Variants in THAP12 observed in about 807,000 individuals in gnomAD.
The protein encoded by THAP12 is THAP domain containing 12, also known as 52 kDa repressor of the inhibitor of the protein kinase.
In THAP12, 20 loss-of-function variants were observed where a neutral mutation model predicts 63.0. That is an observed-to-expected ratio of 0.32 (90% CI 0.22 to 0.46). THAP12 has a LOEUF of 0.46. Among genes scored for constraint, THAP12 ranks in the 20% least tolerant of loss-of-function variants. The probability of loss-of-function intolerance (pLI) is 1.00; values close to 1 mark genes in which losing one functional copy is unlikely to be tolerated. For missense variants in THAP12, 568 were observed against 908.2 expected (o/e 0.63, Z 4.81); for synonymous variants, 264 against 328.4 (o/e 0.80, Z 2.12).
In THAP12 at chr11:76,352,410, C is replaced by T. The variant is rs1946533665; in HGVS notation, c.740G>A (p.Arg247Gln). Residue 247 changes from arginine to glutamine, a missense_variant, in exon 5 of 5, where the codon CGA becomes CAA. Arg to Gln is a conservative substitution (Grantham distance 43, BLOSUM62 1). Transcript: ENST00000260045. ...TCTCACTTCCCTGAGAGTTTCTTCT[C>T]GAATACAGCTCTCACAGATCTCTAG... Reference protein sequence around the residue: ...QMLEICESCIREETLREVRDS... With the variant: ...QMLEICESCIQEETLREVRDS... 3 of 1,611,776 alleles carry T rather than the reference C, an allele frequency of 1.9e-6. No individual in the cohort carries two copies. Among genetic ancestry groups the T allele is most frequent in the Admixed American group, 1.7e-5 (1 of 59,976 alleles).
In THAP12 at chr11:76,381,089, A is replaced by G. The variant is rs896143123; in HGVS notation, c.-253T>C. 9.8e-5 allele frequency: 18 copies of G among 184,030 alleles called. No individual in the cohort carries two copies. Among genetic ancestry groups the G allele is most frequent in the Non-Finnish European group, 1.7e-4 (15 of 90,634 alleles). The allele number at this position is 184,030 out of a possible 1,614,324, so 11.4% of individuals were successfully genotyped here. A position where few individuals can be genotyped will look rare whatever the true frequency, so the allele number is the denominator to read the frequency against. ...TTACCGCCGCCGCCGCCGCTGGTGC[A>G]CCTCCCGCCCGCCCGAGACGCTGCC... On this transcript the variant is annotated 5_prime_UTR_variant, in exon 1 of 5. Transcript: ENST00000260045.
chr11:76,365,795 C>A, intron 2 of THAP12, 57 bp downstream of exon 2: 1 of 1,564,910 alleles, frequency 6.4e-7, no homozygotes, highest in Non-Finnish European at 8.7e-7. Flanking sequence ...CAACCAGACA[C>A]AGTGAGAGAG....
chr11:76,363,149 A>T (rs7127175), intron 2 of THAP12, among the ~76,000 whole-genome samples: 66,007 of 151,880 alleles, frequency 0.43, 14,527 homozygotes, highest in African/African-American at 0.46. Context: ...TTTCAAAAAA[A>T]AATAATAATA....
chr11:76,370,759 T>C lies in THAP12; in HGVS notation c.90-4787A>G, dbSNP rs749556503. 1.5e-4 allele frequency among the ~76,000 whole-genome samples: 23 copies of C among 149,428 alleles called. 1 individual carries two copies. The highest frequency in any genetic ancestry group is 1.1e-3 in the South Asian group (5 of 4,692). ...ATCACTTGAATCCGGGAGGTGGAGGTTGCAGTAGGCCAAGATCGCACCACT... is the reference window on the plus strand; with the variant it reads ...ATCACTTGAATCCGGGAGGTGGAGGCTGCAGTAGGCCAAGATCGCACCACT... On this transcript the variant is annotated intron_variant, in intron 1 of 4. Coordinates refer to ENST00000260045, the MANE Select transcript of THAP12 (RefSeq NM_004705.4).
chr11:76,364,480 C>T lies in THAP12; in HGVS notation c.210+1372G>A, dbSNP rs770147849. 71 of 395,984 alleles carry T rather than the reference C, an allele frequency of 1.8e-4. 1 individual carries two copies. The highest frequency in any genetic ancestry group is 8.4e-4 in the South Asian group (46 of 54,582). 24.5% of individuals were successfully genotyped at this position (395,984 alleles called of 1,614,324 possible). ...TTGCTGCATAACAACATATAGTGTACCTTTGAATCAAGTTTATGTCTATCC... is the reference window on the plus strand; with the variant it reads ...TTGCTGCATAACAACATATAGTGTATCTTTGAATCAAGTTTATGTCTATCC... On this transcript the variant is annotated intron_variant, in intron 2 of 4. Transcript: ENST00000260045.
chr11:76,372,201 G>A (rs1476064280), intron 1 of THAP12, among the ~76,000 whole-genome samples: 2 of 152,028 alleles, frequency 1.3e-5, no homozygotes, highest in African/African-American at 4.8e-5. Flanking sequence ...CGATCCTCCC[G>A]CCTAAACCTC....
chr11:76,372,497 ACTC>A (rs1251624607), intron 1 of THAP12, among the ~76,000 whole-genome samples: 1 of 147,922 alleles, frequency 6.8e-6, no homozygotes, highest in African/African-American at 2.5e-5. Flanking sequence ...CTAAGTTCAA[ACTC>A]CTGGGTTTAA....
At chr11:76,355,359 C>A (rs1946554099) in intron 4 of THAP12, among the ~76,000 whole-genome samples, 1 of 152,230 alleles carries the variant, frequency 6.6e-6, no homozygotes. Flanking sequence ...CCTGCCACCC[C>A]TACCACACTG....
chr11:76,352,892 T>A, intron 4 of THAP12, 98 bp from the exon 5 acceptor site: 1 of 1,345,046 alleles, frequency 7.4e-7, no homozygotes, highest in Non-Finnish European at 9.9e-7. Flanking sequence ...ATCCACAAAC[T>A]CATTCATTCA....
chr11:76,372,672 G>T (rs1386400719), intron 1 of THAP12, among the ~76,000 whole-genome samples: 1 of 151,884 alleles, frequency 6.6e-6, no homozygotes, highest in Non-Finnish European at 1.5e-5. Flanking sequence ...GATCACTTGA[G>T]GCTAGGAGTT....
At chr11:76,370,843 A>T (rs5792718) in intron 1 of THAP12, among the ~76,000 whole-genome samples, 24,824 of 141,370 alleles carry the variant, frequency 0.18, 2,653 homozygotes, top group African/African-American at 0.31. Flanking sequence ...AAAAAAAAAA[A>T]ATATATATAT....
In THAP12 at chr11:76,373,775, C is replaced by T. The variant is rs183476163; in HGVS notation, c.89+6973G>A. Among the ~76,000 whole-genome samples the T allele has an allele frequency of 4.0e-5, 6 of 151,828 alleles. No individual in the cohort carries two copies. In the East Asian group the frequency reaches 1.2e-3, roughly 29 times the overall value. On this transcript the variant is annotated intron_variant, in intron 1 of 4. Coordinates refer to ENST00000260045, the MANE Select transcript of THAP12 (RefSeq NM_004705.4). ...ACATTTTAGAGCAGCAATTCTCAAA[C>T]TTCATAGTCCCAGGATTCCTTTGCA...
intron 4 of THAP12, among the ~76,000 whole-genome samples, chr11:76,354,451 A>C (rs1287756254): frequency 1.3e-5 from 2 of 152,082 alleles, no homozygotes; most frequent in Non-Finnish European, 2.9e-5. Flanking sequence ...TCTTGCTTTT[A>C]TTTTTTTCAA....
intron 1 of THAP12, among the ~76,000 whole-genome samples, chr11:76,366,609 A>G (rs1371736785): frequency 2.6e-5 from 4 of 151,370 alleles, no homozygotes; most frequent in Admixed American, 2.6e-4. Context: ...TGAACCCGGG[A>G]GGCGGAGCTT....
Position 76,351,308 on chromosome 11 carries a change from T to C in THAP12, c.1842A>G (p.Gln614=). The C allele has an allele frequency of 6.3e-7, 1 of 1,585,634 alleles. No homozygotes were observed. Among genetic ancestry groups the C allele is most frequent in the Non-Finnish European group, 8.6e-7 (1 of 1,161,142 alleles). ...GTTCCTCCGACGTATTGAATTTGAG[T>C]TGTCCCATGACTGAGGGTACCAGAG... The part of the protein sequence containing the change: ...CLSLVPSVMG[Q]LKFNTSEEHH... Residue 614 remains glutamine (Q), a synonymous_variant, in exon 5 of 5, where the codon CAA becomes CAG. Coordinates refer to ENST00000260045, the MANE Select transcript of THAP12 (RefSeq NM_004705.4).
In THAP12 at chr11:76,374,881, G is replaced by C. The variant is rs189412006; in HGVS notation, c.89+5867C>G. ...GCATCTGGGAGATGACTTAGGTCAT[G>C]ACGGGGAAGCCTTATTTGCCCCTTC... On this transcript the variant is annotated intron_variant, in intron 1 of 4. Coordinates refer to ENST00000260045, the MANE Select transcript of THAP12 (RefSeq NM_004705.4). Among the ~76,000 whole-genome samples, 481 of 152,254 alleles carry C rather than the reference G, an allele frequency of 3.2e-3. 2 individuals are homozygous for C. The highest frequency in any genetic ancestry group is 5.4e-3 in the Non-Finnish European group (368 of 68,012).
Position 76,352,582 on chromosome 11 carries a change from C to T in THAP12, c.568G>A (p.Glu190Lys), listed in dbSNP as rs774474037. 2.5e-6 allele frequency: 4 copies of T among 1,611,958 alleles called. No homozygotes were observed. In the South Asian group the frequency reaches 4.4e-5, roughly 18 times the overall value. The change falls in exon 5 of 5, where the codon GAA becomes AAA. Residue 190 changes from glutamate (E) to lysine (K), a missense_variant. Glu to Lys is a moderately conservative substitution (Grantham distance 56). Coordinates refer to ENST00000260045, the MANE Select transcript of THAP12 (RefSeq NM_004705.4). ...NIPLDGHEAD[E>K]IPEGLFTPDN... is the part of the protein sequence containing the mutation. ...GGAGTAAAGAGACCTTCTGGGATTT[C>T]ATCAGCCTCATGTCCATCCAGAGGT...
chr11:76,352,573 C>G lies in THAP12; in HGVS notation c.577G>C (p.Glu193Gln), dbSNP rs1946534861. ...AAGTTATCTGGAGTAAAGAGACCTTCTGGGATTTCATCAGCCTCATGTCCA... is the reference window on the plus strand; with the variant it reads ...AAGTTATCTGGAGTAAAGAGACCTTGTGGGATTTCATCAGCCTCATGTCCA... ...LDGHEADEIPEGLFTPDNFQA... is the reference protein window; with the variant it reads ...LDGHEADEIPQGLFTPDNFQA... The change falls in exon 5 of 5, where the codon GAA (glutamate) becomes CAA (glutamine). Residue 193 changes from glutamate to glutamine, a missense_variant. Glu to Gln is a conservative substitution (Grantham distance 29). Coordinates refer to ENST00000260045, the MANE Select transcript of THAP12 (RefSeq NM_004705.4). The G allele has an allele frequency of 6.2e-7, 1 of 1,611,874 alleles. No individual in the cohort carries two copies. The highest frequency in any genetic ancestry group is 8.5e-7 in the Non-Finnish European group (1 of 1,179,834).
intron 1 of THAP12, among the ~76,000 whole-genome samples, chr11:76,370,542 T>G (rs1048004578): frequency 6.6e-6 from 1 of 152,110 alleles, no homozygotes; most frequent in African/African-American, 2.4e-5. Context: ...TTTTGTATTT[T>G]TTGTAGAGAC....
Sources: allele counts gnomAD v4.1 joint callset (sites outside exome capture counted in the v4.1 genomes callset), GRCh38; gene constraint gnomAD v4.1.1; transcripts MANE v1.5; gene names NCBI Gene and HGNC (gene_info 2026-07-23, HGNC 2026-07-21).